The following DDX10 variants were observed in gnomAD, a reference collection of about 807,000 sequenced individuals.
The protein encoded by DDX10 is probable ATP-dependent RNA helicase DDX10.
DDX10 carries 74 observed loss-of-function variants against 104.3 expected under a neutral mutation model. The ratio of observed to expected loss-of-function variants is 0.71; its 90% CI spans 0.59 to 0.86. The LOEUF is 0.86. Ranked by LOEUF, DDX10 falls within the 40% of genes least tolerant of loss-of-function variation. The pLI is 0.00. For synonymous variants in DDX10, 351 were observed against 353.4 expected (o/e 0.99, Z 0.08); for missense variants, 952 against 1,040.0 (o/e 0.92, Z 1.16).
intron 16 of DDX10, among the ~76,000 whole-genome samples, chr11:108,884,460 G>T (rs543953339): frequency 2.0e-5 from 3 of 151,854 alleles, no homozygotes; most frequent in South Asian, 4.2e-4. Context: ...CCCTCCTCCC[G>T]TAACTATTGA....
Position 108,742,217 on chromosome 11 carries a change from G to A in DDX10, c.1965+18755G>A, listed in dbSNP as rs183019749. ...GGAGGTTGCAGTGAGCAGAGATGGC[G>A]CCACTGTACCCCAGCCTGGGCAACA... On this transcript the variant is annotated intron_variant, in intron 13 of 17. Coordinates refer to ENST00000322536, the MANE Select transcript of DDX10 (RefSeq NM_004398.4). Among the ~76,000 whole-genome samples the A allele has an allele frequency of 3.7e-3, 565 of 151,092 alleles. 2 individuals are homozygous for A. Among genetic ancestry groups the A allele is most frequent in the Non-Finnish European group, 6.7e-3 (458 of 67,868 alleles).
chr11:108,852,124 C>T lies in DDX10; in HGVS notation c.2248-29C>T, dbSNP rs10890899. On this transcript the variant is annotated intron_variant, in intron 15 of 17. Transcript: ENST00000322536. ...CTGTTTTATACCTAATTATATGCTG[C>T]TAATTTTTCTCCTCTTCCTTGTCTC... 44 of 1,576,108 alleles carry T rather than the reference C, an allele frequency of 2.8e-5. 1 individual carries two copies. In the Admixed American group the frequency reaches 5.8e-4, roughly 21 times the overall value.
chr11:108,909,787 A>G (rs533729103), intron 16 of DDX10, among the ~76,000 whole-genome samples: 2 of 152,230 alleles, frequency 1.3e-5, no homozygotes, highest in East Asian at 1.9e-4. Context: ...TACCTGTTGG[A>G]TTGGTGTGAA....
intron 16 of DDX10, among the ~76,000 whole-genome samples, chr11:108,889,359 A>C (rs1008074512): frequency 7.9e-5 from 12 of 152,282 alleles, no homozygotes; most frequent in South Asian, 2.1e-4. Context: ...CTAGTGAGGG[A>C]TTCCCACAAT....
chr11:108,894,694 C>T (rs1326596967), intron 16 of DDX10, among the ~76,000 whole-genome samples: 1 of 151,894 alleles, frequency 6.6e-6, no homozygotes, highest in Non-Finnish European at 1.5e-5. Flanking sequence ...GTATTTTGCT[C>T]ATATGGGCAT....
In DDX10 at chr11:108,820,553, T is replaced by C. The variant is rs1369773392; in HGVS notation, c.1966-17893T>C. ...GGTCAAATGTATCAGTGTGTAATCA[T>C]ACAAACTACTAGGGAACCAGACATT... On this transcript the variant is annotated intron_variant, in intron 13 of 17. Transcript: ENST00000322536. Among the ~76,000 whole-genome samples, 3 of 152,318 alleles carry C rather than the reference T, an allele frequency of 2.0e-5. No homozygotes were observed. The East Asian group carries it at 5.8e-4, about 29-fold the overall frequency.
chr11:108,757,730 C>T (rs1454032324), intron 13 of DDX10, among the ~76,000 whole-genome samples: 1 of 152,012 alleles, frequency 6.6e-6, no homozygotes, highest in South Asian at 2.1e-4. Context: ...AACCTTCTGA[C>T]CCTTATAATC....
At chr11:108,822,071 T>G (rs1862332137) in intron 13 of DDX10, among the ~76,000 whole-genome samples, 1 of 152,252 alleles carries the variant, frequency 6.6e-6, no homozygotes, top group Non-Finnish European at 1.5e-5. Context: ...TTGTGAAAAG[T>G]TGATGAAATC....
chr11:108,898,805 G>A (rs2134646582), intron 16 of DDX10, among the ~76,000 whole-genome samples: 1 of 152,286 alleles, frequency 6.6e-6, no homozygotes, highest in South Asian at 2.1e-4. Context: ...GCGTCCAGAA[G>A]AGCAGAGGGG....
At chr11:108,667,781 G>C (rs1043973941) in intron 1 of DDX10, among the ~76,000 whole-genome samples, 1 of 152,208 alleles carries the variant, frequency 6.6e-6, no homozygotes, top group African/African-American at 2.4e-5. Flanking sequence ...CTTCCTTCAA[G>C]ATTTAGTGCA....
intron 11 of DDX10, among the ~76,000 whole-genome samples, chr11:108,717,229 G>T (rs1260471715): frequency 2.0e-5 from 3 of 152,214 alleles, no homozygotes; most frequent in Admixed American, 6.5e-5. Context: ...CGATAGGGTA[G>T]CCTGAGCAGA....
Position 108,837,607 on chromosome 11 carries a change from C to CTTTTT in DDX10, c.1966-808_1966-804dup, listed in dbSNP as rs142381520. On this transcript the variant is annotated intron_variant, in intron 13 of 17. Transcript: ENST00000322536. Reference sequence around the variant, plus strand: ...TTCTGCATCTCACCTTTGGATACAGCTTTTTTTTTTTTTTTTTTTTTTTTT... The same window carrying CTTTTT: ...TTCTGCATCTCACCTTTGGATACAGCTTTTTTTTTTTTTTTTTTTTTTTTTTTTTT... Among the ~76,000 whole-genome samples the CTTTTT allele has an allele frequency of 5.8e-3, 203 of 34,740 alleles. 67 individuals are homozygous for CTTTTT. The highest frequency in any genetic ancestry group is 0.012 in the African/African-American group (94 of 7,922). 22.8% of individuals were successfully genotyped at this position (34,740 alleles called of 152,430 possible).
intron 9 of DDX10, among the ~76,000 whole-genome samples, chr11:108,704,546 G>T (rs978759780): frequency 6.6e-6 from 1 of 152,052 alleles, no homozygotes; most frequent in Non-Finnish European, 1.5e-5. Flanking sequence ...CAGAAGTTAC[G>T]ACATCTCTCC....
chr11:108,840,847 T>A (rs189960862), intron 14 of DDX10, among the ~76,000 whole-genome samples: 4 of 152,342 alleles, frequency 2.6e-5, no homozygotes, highest in Non-Finnish European at 5.9e-5. Context: ...AGGAGATTAA[T>A]TCTAGTAAGA....
chr11:108,918,665 C>T (rs925927448), intron 17 of DDX10: 1 of 152,042 alleles, frequency 6.6e-6, no homozygotes, highest in Non-Finnish European at 1.5e-5. Context: ...TAATGGAACA[C>T]TTGTACAGAA....
chr11:108,671,132 T>C lies in DDX10; in HGVS notation c.187-2335T>C, dbSNP rs113670033. The stretch of plus-strand genomic sequence containing the variant: ...TGAGTATTATGGAGATGTAAGTGAT[T>C]TTTCCCCCCTAAGAAAGGGATAAAG... On this transcript the variant is annotated intron_variant, in intron 1 of 17. Coordinates refer to ENST00000322536, the MANE Select transcript of DDX10 (RefSeq NM_004398.4). 6.1e-3 allele frequency among the ~76,000 whole-genome samples: 922 copies of C among 152,240 alleles called. 8 individuals are homozygous for C. Among genetic ancestry groups the C allele is most frequent in the Non-Finnish European group, 0.01 (691 of 68,024 alleles).
At chr11:108,762,577 G>T (rs1211776102) in intron 13 of DDX10, among the ~76,000 whole-genome samples, 1 of 152,140 alleles carries the variant, frequency 6.6e-6, no homozygotes, top group Non-Finnish European at 1.5e-5. Flanking sequence ...TCTTCTAGAT[G>T]AAGGGGGAAC....
At chr11:108,797,504 T>C (rs752472081) in intron 13 of DDX10, among the ~76,000 whole-genome samples, 1 of 152,292 alleles carries the variant, frequency 6.6e-6, no homozygotes, top group Non-Finnish European at 1.5e-5. Context: ...TATAACAAAA[T>C]AGATAAATGA....
chr11:108,871,711 T>TCGTA, intron 16 of DDX10, among the ~76,000 whole-genome samples: 1 of 152,100 alleles, frequency 6.6e-6, no homozygotes, highest in East Asian at 1.9e-4. Flanking sequence ...GTGTATCACC[T>TCGTA]GAGGTAGGGG....
Sources: gnomAD v4.1 joint callset for allele counts (sites outside exome capture counted in the v4.1 genomes callset) on GRCh38, gnomAD v4.1.1 for gene constraint, MANE v1.5 for transcripts, NCBI Gene and HGNC (gene_info 2026-07-23, HGNC 2026-07-21) for gene names.